Variants in KLHDC1 observed in about 807,000 individuals in gnomAD.
KLHDC1 encodes kelch domain-containing protein 1.
KLHDC1 carries 53 observed loss-of-function variants against 68.3 expected under a neutral mutation model. The observed-to-expected ratio is 0.78, with a 90% CI of 0.62 to 0.98. The LOEUF (loss-of-function observed/expected upper bound fraction) is 0.98, where lower values mean the gene tolerates loss of function less well. KLHDC1 is among the 50% of genes least tolerant of loss of function. KLHDC1 has a pLI of 0.00. For synonymous variants in KLHDC1, 148 were observed against 159.0 expected (o/e 0.93, Z 0.52); for missense variants, 470 against 492.3 (o/e 0.95, Z 0.43).
intron 12 of KLHDC1, among the ~76,000 whole-genome samples, chr14:49,745,879 A>C (rs1029758134): frequency 1.2e-4 from 18 of 152,328 alleles, no homozygotes; most frequent in African/African-American, 4.3e-4. Context: ...GCCATTGAAA[A>C]ATTTGGAGCA....
At chr14:49,749,677 CAA>C (rs1191978580) in intron 12 of KLHDC1, among the ~76,000 whole-genome samples, 9 of 53,768 alleles carry the variant, frequency 1.7e-4, no homozygotes, top group African/African-American at 2.0e-4. Flanking sequence ...GACTCCGTCT[CAA>C]AAAAAAAAAA....
At chr14:49,712,260 T>A (rs562745988) in intron 4 of KLHDC1, among the ~76,000 whole-genome samples, 1 of 152,228 alleles carries the variant, frequency 6.6e-6, no homozygotes, top group South Asian at 2.1e-4. Flanking sequence ...TCTAGAGATT[T>A]CCTTTTGGTC....
At chr14:49,705,103 A>G (rs1419623611) in intron 1 of KLHDC1, among the ~76,000 whole-genome samples, 1 of 152,160 alleles carries the variant, frequency 6.6e-6, no homozygotes, top group African/African-American at 2.4e-5. Flanking sequence ...TTCCCAAAAA[A>G]GGAGGAGTTA....
chr14:49,700,909 C>T (rs1391455413), intron 1 of KLHDC1, among the ~76,000 whole-genome samples: 5 of 152,038 alleles, frequency 3.3e-5, no homozygotes, highest in South Asian at 4.1e-4. Context: ...GGTGAAACCT[C>T]GTCTCTACTG....
intron 11 of KLHDC1, among the ~76,000 whole-genome samples, chr14:49,741,816 G>A (rs944692458): frequency 6.6e-6 from 1 of 152,172 alleles, no homozygotes; most frequent in Non-Finnish European, 1.5e-5. Flanking sequence ...TGGGACAGGA[G>A]TTCAGGAATG....
At chr14:49,693,737 C>A (rs4600387) in intron 1 of KLHDC1, among the ~76,000 whole-genome samples, 95,400 of 109,184 alleles carry the variant, frequency 0.87, 43,523 homozygotes, top group South Asian at 0.99. Flanking sequence ...TATTTATTTT[C>A]TTTTCTTTTT....
intron 1 of KLHDC1, among the ~76,000 whole-genome samples, chr14:49,695,038 TAAGAC>T (rs201528877): frequency 0.013 from 2,022 of 152,178 alleles, 30 homozygotes; most frequent in Middle Eastern, 0.024. Context: ...GGCAGTTTCT[TAAGAC>T]AAGACAATGA....
intron 4 of KLHDC1, among the ~76,000 whole-genome samples, chr14:49,711,790 A>C (rs144823787): frequency 2.0e-3 from 299 of 151,424 alleles, no homozygotes; most frequent in African/African-American, 6.8e-3. Flanking sequence ...TCACTATTTA[A>C]TTTCCAGTTT....
chr14:49,712,139 C>T (rs879179135), intron 4 of KLHDC1, among the ~76,000 whole-genome samples: 3 of 151,746 alleles, frequency 2.0e-5, no homozygotes, highest in East Asian at 1.9e-4. Context: ...AGGATGGTCT[C>T]GATCTCCTGA....
intron 8 of KLHDC1, among the ~76,000 whole-genome samples, chr14:49,731,450 T>C (rs1017913659): frequency 3.8e-4 from 58 of 152,206 alleles, no homozygotes; most frequent in African/African-American, 1.4e-3. Flanking sequence ...TTCTAACTTA[T>C]GCTTTTTTAT....
intron 10 of KLHDC1, among the ~76,000 whole-genome samples, chr14:49,739,705 T>C (rs990292193): frequency 1.3e-5 from 2 of 152,180 alleles, no homozygotes; most frequent in Non-Finnish European, 2.9e-5. Flanking sequence ...AGGGATAATA[T>C]GTATGAGAGA....
intron 12 of KLHDC1, among the ~76,000 whole-genome samples, chr14:49,750,053 C>T (rs1488445754): frequency 1.3e-5 from 2 of 152,044 alleles, no homozygotes; most frequent in Non-Finnish European, 2.9e-5. Flanking sequence ...GAGAAAGACT[C>T]CATCTCAGGA....
intron 6 of KLHDC1, 130 bp downstream of exon 6, chr14:49,725,899 G>A (rs954863315): frequency 2.4e-5 from 13 of 533,504 alleles, no homozygotes; most frequent in Admixed American, 1.8e-4. Context: ...CCAGGCTGGA[G>A]TACAGTGGCA....
chr14:49,725,011 A>G (rs1204119662), intron 5 of KLHDC1, among the ~76,000 whole-genome samples: 4 of 152,116 alleles, frequency 2.6e-5, no homozygotes, highest in Admixed American at 6.6e-5. Context: ...TTCTAAACTA[A>G]GTAAATTGTT....
chr14:49,717,549 T>A (rs1888411876), intron 4 of KLHDC1, among the ~76,000 whole-genome samples: 1 of 152,228 alleles, frequency 6.6e-6, no homozygotes, highest in South Asian at 2.1e-4. Flanking sequence ...TTAAAAAAAA[T>A]GAGTCGTCTG....
In KLHDC1 at chr14:49,719,646, C is replaced by T. The variant is rs1423531641; in HGVS notation, c.405-4228C>T. ...AGAGACAGGGTTTCACTATGTTGGC[C>T]AGGCTGGTCTCGAACTCCTGACCTC... On this transcript the variant is annotated intron_variant, in intron 4 of 12. Transcript: ENST00000359332. Among the ~76,000 whole-genome samples, 3 of 151,970 alleles carry T rather than the reference C, an allele frequency of 2.0e-5. No homozygotes were observed. The East Asian group carries it at 5.8e-4, about 29-fold the overall frequency.
At chr14:49,749,509 C>T (rs760086637) in intron 12 of KLHDC1, among the ~76,000 whole-genome samples, 7 of 151,226 alleles carry the variant, frequency 4.6e-5, no homozygotes, top group South Asian at 2.1e-4. Context: ...AACCATGTCT[C>T]GACTAAAAAT....
intron 1 of KLHDC1, among the ~76,000 whole-genome samples, chr14:49,694,642 T>G (rs1383871886): frequency 1.3e-5 from 2 of 151,884 alleles, no homozygotes; most frequent in Non-Finnish European, 2.9e-5. Flanking sequence ...TTACCTGAAG[T>G]CAGGAGTCCG....
chr14:49,744,011 G>A (rs186850500), intron 12 of KLHDC1, among the ~76,000 whole-genome samples: 6 of 152,162 alleles, frequency 3.9e-5, no homozygotes, highest in East Asian at 1.9e-4. Context: ...CATGCGTGGC[G>A]TGATGACTTA....
Sources: gnomAD v4.1 joint callset for allele counts (sites outside exome capture counted in the v4.1 genomes callset) on GRCh38, gnomAD v4.1.1 for gene constraint, MANE v1.5 for transcripts, NCBI Gene and HGNC (gene_info 2026-07-23, HGNC 2026-07-21) for gene names.